The following TTC19 variants were observed in gnomAD, a reference collection of about 807,000 sequenced individuals.
TTC19 encodes tetratricopeptide repeat domain 19, also known as tetratricopeptide repeat protein 19, mitochondrial.
TTC19 carries 38 observed loss-of-function variants against 49.5 expected under a neutral mutation model. That is an observed-to-expected ratio of 0.77 (90% CI 0.59 to 1.01). The LOEUF is 1.01. Among genes scored for constraint, TTC19 ranks in the 50% least tolerant of loss-of-function variants. The probability of loss-of-function intolerance (pLI) is 0.00; values close to 1 mark genes in which losing one functional copy is unlikely to be tolerated. For missense variants in TTC19, 475 were observed against 477.7 expected, an observed-to-expected ratio of 0.99 and a Z score of 0.05; for synonymous variants, 204 against 185.2, an observed-to-expected ratio of 1.10 and a Z score of -0.83.
intron 2 of TTC19, among the ~76,000 whole-genome samples, chr17:16,036,479 T>C (rs2056396276): frequency 1.3e-5 from 2 of 152,216 alleles, no homozygotes; most frequent in South Asian, 4.1e-4. Context: ...TCAGCCTGTC[T>C]TTTGAAGTTT....
intron 7 of TTC19, among the ~76,000 whole-genome samples, chr17:16,017,871 C>T (rs1011147737): frequency 2.0e-5 from 3 of 152,170 alleles, no homozygotes; most frequent in Non-Finnish European, 4.4e-5. Context: ...GTTCCTCTTA[C>T]AGGAACTTTT....
chr17:16,016,486 G>A (rs1971219668), intron 7 of TTC19, among the ~76,000 whole-genome samples: 2 of 151,576 alleles, frequency 1.3e-5, no homozygotes. Context: ...ATGTCTGTTA[G>A]GTCTAGTTGG....
At chr17:16,012,414 G>A (rs1971101380) in intron 7 of TTC19, among the ~76,000 whole-genome samples, 1 of 152,012 alleles carries the variant, frequency 6.6e-6, no homozygotes, top group African/African-American at 2.4e-5. Context: ...GGAGGTGGAG[G>A]TTGCAGTGAG....
intron 7 of TTC19, among the ~76,000 whole-genome samples, chr17:16,014,144 A>G (rs1382558313): frequency 6.6e-6 from 1 of 152,222 alleles, no homozygotes; most frequent in Non-Finnish European, 1.5e-5. Context: ...CCAGAGGAAA[A>G]GGAGACTTCT....
intron 7 of TTC19, among the ~76,000 whole-genome samples, chr17:16,014,696 T>C (rs1454924543): frequency 2.6e-5 from 4 of 152,186 alleles, no homozygotes; most frequent in African/African-American, 9.7e-5. Context: ...CCAAAGGAAA[T>C]ATTCCAAACT....
Position 16,040,905 on chromosome 17 carries a change from T to C in TTC19, c.248-3598T>C, listed in dbSNP as rs542836241. ...AATAAATAAATAAAAAAAGAAGCAGTGTAACCCAGAAAAGGGAAAGGAACT... is the reference window on the plus strand; with the variant it reads ...AATAAATAAATAAAAAAAGAAGCAGCGTAACCCAGAAAAGGGAAAGGAACT... On this transcript the variant is annotated intron_variant, in intron 2 of 2. Coordinates refer to the TTC19 transcript ENST00000470649. 2.2e-5 allele frequency: 4 copies of C among 182,346 alleles called. No individual in the cohort carries two copies. The Admixed American group carries it at 2.3e-4, about 11-fold the overall frequency. The allele number at this position is 182,346 out of a possible 1,614,324, so 11.3% of individuals were successfully genotyped here. A position where few individuals can be genotyped will look rare whatever the true frequency, so the allele number is the denominator to read the frequency against.
At chr17:16,044,853 G>C (rs1331215943) in exon 3 of TTC19, 3 of 889,014 alleles carry the variant, frequency 3.4e-6, no homozygotes, top group Non-Finnish European at 5.5e-6. Flanking sequence ...GCACCAGTGG[G>C]ATCCTGCCCA....
At chr17:16,041,944 G>C (rs1228803078) in intron 2 of TTC19, among the ~76,000 whole-genome samples, 1 of 152,042 alleles carries the variant, frequency 6.6e-6, no homozygotes, top group Non-Finnish European at 1.5e-5. Flanking sequence ...CACCGTGTTA[G>C]CCAGGATGGT....
intron 7 of TTC19, among the ~76,000 whole-genome samples, chr17:16,006,778 A>C (rs1168927917): frequency 6.6e-6 from 1 of 151,814 alleles, no homozygotes; most frequent in Non-Finnish European, 1.5e-5. Flanking sequence ...TTTTTTTTTT[A>C]ACCCCCTTGG....
At position 16,023,076 on chromosome 17, in the gene TTC19, T is replaced by C. The variant is rs1480225995; in HGVS notation, c.677-1941T>C. Among the ~76,000 whole-genome samples the C allele has an allele frequency of 2.0e-5, 3 of 152,184 alleles. No individual in the cohort carries two copies. In the East Asian group the frequency reaches 5.8e-4, roughly 29 times the overall value. The stretch of plus-strand genomic sequence containing the variant: ...ACTCTTTGGGGGAACTTTATGAAAT[T>C]TTCTCTTGGCAGTTGCTAAAAGTTT... On this transcript the variant is annotated intron_variant, in intron 7 of 9. Coordinates refer to ENST00000261647, the MANE Select transcript of TTC19 (RefSeq NM_017775.4).
chr17:16,016,551 A>AT (rs1971221370), intron 7 of TTC19, among the ~76,000 whole-genome samples: 1 of 134,232 alleles, frequency 7.4e-6, no homozygotes, highest in African/African-American at 3.1e-5. Context: ...TAGTTGTTCT[A>AT]ATTTTTTTTT....
At chr17:16,000,433 AGG>A (rs1970689419) in intron 2 of TTC19, 188 bp downstream of exon 2, 4 of 1,440,924 alleles carry the variant, frequency 2.8e-6, no homozygotes, top group Non-Finnish European at 2.7e-6. Context: ...TCCGACTCTA[AGG>A]CCTGCAGTAA....
intron 7 of TTC19, among the ~76,000 whole-genome samples, chr17:16,015,149 A>G (rs992062204): frequency 3.3e-5 from 5 of 152,142 alleles, no homozygotes; most frequent in African/African-American, 1.2e-4. Flanking sequence ...TGTATTTTCT[A>G]TTCTGAAATA....
At chr17:16,037,740 G>A (rs1256532560) in intron 2 of TTC19, among the ~76,000 whole-genome samples, 2 of 152,238 alleles carry the variant, frequency 1.3e-5, no homozygotes. Flanking sequence ...GACTTGAGCA[G>A]AGGCTCAGCA....
chr17:16,006,728 A>G (rs910641112), intron 7 of TTC19, among the ~76,000 whole-genome samples, 160 bp downstream of exon 7: 6 of 152,048 alleles, frequency 3.9e-5, no homozygotes, highest in African/African-American at 1.4e-4. Context: ...TTGGAATAAG[A>G]TGTTTTATTT....
At position 16,004,016 on chromosome 17, in the gene TTC19, T is replaced by C. The variant is rs141297979; in HGVS notation, c.519+129T>C. On this transcript the variant is annotated intron_variant, in intron 5 of 9. Coordinates refer to ENST00000261647, the MANE Select transcript of TTC19 (RefSeq NM_017775.4). ...GGTGGAGTTTCCCTTCTGAGATCTC[T>C]ATACAAATTGCCATTCTTTCACTAA... The C allele has an allele frequency of 6.8e-4, 780 of 1,154,738 alleles. 5 individuals are homozygous for C. In the African/African-American group the frequency reaches 1.0e-2, roughly 15 times the overall value. 71.5% of individuals were successfully genotyped at this position (1,154,738 alleles called of 1,614,324 possible).
intron 2 of TTC19, chr17:16,044,346 G>T: frequency 3.7e-5 from 17 of 464,044 alleles, no homozygotes; most frequent in Admixed American, 1.5e-4. Context: ...TTTTTCCTTG[G>T]TGTTCAACAT....
intron 4 of TTC19, 147 bp from the exon 5 acceptor site, chr17:16,003,684 A>G (rs1970810011): frequency 2.8e-6 from 2 of 723,858 alleles, no homozygotes; most frequent in East Asian, 5.5e-5. Flanking sequence ...TCAAAAGGGT[A>G]CTTTTCTGTG....
intron 2 of TTC19, among the ~76,000 whole-genome samples, chr17:16,043,967 C>T (rs981542775): frequency 1.3e-5 from 2 of 152,132 alleles, no homozygotes; most frequent in South Asian, 4.2e-4. Flanking sequence ...GTCAGGAGTT[C>T]GAGACCAGCC....
Sources: gnomAD v4.1 joint callset for allele counts (sites outside exome capture counted in the v4.1 genomes callset) on GRCh38, gnomAD v4.1.1 for gene constraint, MANE v1.5 for transcripts, NCBI Gene and HGNC (gene_info 2026-07-23, HGNC 2026-07-21) for gene names.